PCDHGA11: variants seen among roughly 807,000 people sequenced by gnomAD.
The protein encoded by PCDHGA11 is protocadherin gamma-A11.
A neutral mutation model predicts 60.4 loss-of-function variants in PCDHGA11; 39 were observed. The ratio of observed to expected loss-of-function variants is 0.65; its 90% CI spans 0.50 to 0.84. The LOEUF (loss-of-function observed/expected upper bound fraction) is 0.84. Among genes scored for constraint, PCDHGA11 ranks in the 40% least tolerant of loss-of-function variants. The pLI is 0.00. For synonymous variants in PCDHGA11, 533 were observed against 510.3 expected, an observed-to-expected ratio of 1.04 and a Z score of -0.60; for missense variants, 1,165 against 1,197.7, an observed-to-expected ratio of 0.97 and a Z score of 0.40.
chr5:141,427,936 G>A, intron 1 of PCDHGA11: 1 of 1,584,966 alleles, frequency 6.3e-7, no homozygotes, highest in Admixed American at 1.7e-5. Context: ...ATGTTGGTGG[G>A]CGACCTCAAT....
intron 1 of PCDHGA11, among the ~76,000 whole-genome samples, chr5:141,479,789 T>C (rs888217885): frequency 3.3e-5 from 5 of 152,196 alleles, no homozygotes; most frequent in Non-Finnish European, 2.9e-5. Flanking sequence ...AAAGCATTCA[T>C]TAATTCAGGG....
chr5:141,491,508 G>T lies in PCDHGA11; in HGVS notation c.2434-3299G>T. 1 of 1,614,030 alleles carries T rather than the reference G, an allele frequency of 6.2e-7. No homozygotes were observed. Among genetic ancestry groups the T allele is most frequent in the Non-Finnish European group, 8.5e-7 (1 of 1,180,014 alleles). ...ACCTGCAGGTGAGCTCGGACGGCACGCTCAAGTACATGGAGGTGACGCTGC... is the reference window on the plus strand; with the variant it reads ...ACCTGCAGGTGAGCTCGGACGGCACTCTCAAGTACATGGAGGTGACGCTGC... On this transcript the variant is annotated intron_variant, in intron 1 of 3. Transcript: ENST00000398587. The surrounding 1 kb of genome is among the most constrained non-coding windows in gnomAD (Gnocchi z 6.9).
At position 141,431,738 on chromosome 5, in the gene PCDHGA11, TA is replaced by T; in HGVS notation, c.2433+8079del. ...AGTGCAAGCAATGGATAATGCAGGA[TA>T]TTCTGCGCGAGCCAAAGTCCTGATC... On this transcript the variant is annotated intron_variant, in intron 1 of 3. Coordinates refer to ENST00000398587, the MANE Select transcript of PCDHGA11 (RefSeq NM_018914.3). The surrounding 1 kb of genome is among the most constrained non-coding windows in gnomAD (Gnocchi z 4.8). The T allele has an allele frequency of 6.2e-7, 1 of 1,614,234 alleles. No individual in the cohort carries two copies. Among genetic ancestry groups the T allele is most frequent in the South Asian group, 1.1e-5 (1 of 91,092 alleles).
At position 141,489,078 on chromosome 5, in the gene PCDHGA11, G is replaced by A. The variant is rs990356560; in HGVS notation, c.2434-5729G>A. ...GCTCCCCTCCCCCCTGCCCACCCCC[G>A]CCACTCGGTGACTAAGAACTGCTGC... On this transcript the variant is annotated intron_variant, in intron 1 of 3. Transcript: ENST00000398587. The surrounding 1 kb of genome is among the most constrained non-coding windows in gnomAD (Gnocchi z 4.5). 6.9e-5 allele frequency: 11 copies of A among 160,224 alleles called. 1 individual carries two copies. Among genetic ancestry groups the A allele is most frequent in the Admixed American group, 3.7e-4 (4 of 10,708 alleles). The allele number at this position is 160,224 out of a possible 1,614,324, so 9.9% of individuals were successfully genotyped here.
intron 1 of PCDHGA11, among the ~76,000 whole-genome samples, chr5:141,465,219 C>A (rs1272266733): frequency 6.6e-6 from 1 of 152,004 alleles, no homozygotes; most frequent in Non-Finnish European, 1.5e-5. Context: ...TATTTTTCAA[C>A]ATGAGCTCCA....
Position 141,487,503 on chromosome 5 carries a change from C to T in PCDHGA11, c.2434-7304C>T. On this transcript the variant is annotated intron_variant, in intron 1 of 3. Transcript: ENST00000398587. The surrounding 1 kb of genome is among the most constrained non-coding windows in gnomAD (Gnocchi z 5.0). The stretch of plus-strand genomic sequence containing the variant: ...TCTCATGGCTGTACACCCTTGGCTT[C>T]TGCACCCACTCGGAGTGATAGCTTC... 1 of 1,614,220 alleles carries T rather than the reference C, an allele frequency of 6.2e-7. No homozygotes were observed. Among genetic ancestry groups the T allele is most frequent in the Non-Finnish European group, 8.5e-7 (1 of 1,180,042 alleles).
At chr5:141,509,486 A>G (rs1022659275) in intron 3 of PCDHGA11, among the ~76,000 whole-genome samples, 10 of 152,132 alleles carry the variant, frequency 6.6e-5, no homozygotes, top group African/African-American at 2.4e-4. Flanking sequence ...GGTAGAGGTG[A>G]TGGCATGCTG....
intron 1 of PCDHGA11, among the ~76,000 whole-genome samples, chr5:141,452,350 A>G (rs1355934993): frequency 6.6e-6 from 1 of 152,212 alleles, no homozygotes; most frequent in Admixed American, 6.5e-5. Context: ...CCATTTATCC[A>G]AAAGCCTTGC....
At chr5:141,444,804 A>G (rs140326088) in intron 1 of PCDHGA11, among the ~76,000 whole-genome samples, 1 of 152,250 alleles carries the variant, frequency 6.6e-6, no homozygotes, top group Non-Finnish European at 1.5e-5. Flanking sequence ...TCTTTTACTA[A>G]TAGCACACTG....
chr5:141,455,400 C>G (rs537466326), intron 1 of PCDHGA11, among the ~76,000 whole-genome samples: 8 of 152,274 alleles, frequency 5.3e-5, no homozygotes, highest in Admixed American at 5.2e-4. Context: ...CTCCCCCTTA[C>G]AGAGACAGAG....
In PCDHGA11 at chr5:141,491,961, G is replaced by A. The variant is rs891299192; in HGVS notation, c.2434-2846G>A. 3 of 970,010 alleles carry A rather than the reference G, an allele frequency of 3.1e-6. No individual in the cohort carries two copies. The highest frequency in any genetic ancestry group is 4.3e-6 in the Non-Finnish European group (3 of 693,098). 60.1% of individuals were successfully genotyped at this position (970,010 alleles called of 1,614,324 possible). On this transcript the variant is annotated intron_variant, in intron 1 of 3. Transcript: ENST00000398587. This position sits in a 1 kb window ranked among gnomAD's most constrained non-coding sequence, Gnocchi z 6.9. ...GACCCCCACCCCTACACTCAAAAAAGGCCGGGGCCTCCTTCGAGCTTCCGG... is the reference window on the plus strand; with the variant it reads ...GACCCCCACCCCTACACTCAAAAAAAGCCGGGGCCTCCTTCGAGCTTCCGG...
In PCDHGA11 at chr5:141,491,759, G is replaced by C. The variant is rs746395685; in HGVS notation, c.2434-3048G>C. 3 of 1,575,392 alleles carry C rather than the reference G, an allele frequency of 1.9e-6. No individual in the cohort carries two copies. Among genetic ancestry groups the C allele is most frequent in the Non-Finnish European group, 2.6e-6 (3 of 1,161,808 alleles). ...GGGGGCGGCACTGGAGAAGCCGCCC[G>C]TCCTCATAAGGGATTGAACTTGCAT... On this transcript the variant is annotated intron_variant, in intron 1 of 3. Coordinates refer to ENST00000398587, the MANE Select transcript of PCDHGA11 (RefSeq NM_018914.3). The surrounding 1 kb of genome is among the most constrained non-coding windows in gnomAD (Gnocchi z 6.9).
chr5:141,442,131 A>T, intron 1 of PCDHGA11: 1 of 165,118 alleles, frequency 6.1e-6, no homozygotes, highest in Non-Finnish European at 1.3e-5. Context: ...GACAGCCTGC[A>T]GGAGACTCTG....
intron 1 of PCDHGA11, among the ~76,000 whole-genome samples, chr5:141,461,366 A>G (rs1186381077): frequency 6.6e-6 from 1 of 151,964 alleles, no homozygotes; most frequent in Non-Finnish European, 1.5e-5. Flanking sequence ...TTGTGGTTTT[A>G]ATTTGCATTT....
At chr5:141,457,167 C>T (rs1465212183) in intron 1 of PCDHGA11, among the ~76,000 whole-genome samples, 1 of 152,114 alleles carries the variant, frequency 6.6e-6, no homozygotes, top group East Asian at 1.9e-4. Context: ...CATGGATAAC[C>T]CTATTGCAAA....
intron 1 of PCDHGA11, among the ~76,000 whole-genome samples, chr5:141,481,039 C>T (rs748434260): frequency 4.6e-5 from 7 of 152,048 alleles, no homozygotes; most frequent in Non-Finnish European, 8.8e-5. Flanking sequence ...GCCTGGGCGA[C>T]AGAGCGAGAC....
rs1345224043 is a variant in PCDHGA11, at chr5:141,487,695, C to G, written c.2434-7112C>G. Reference sequence around the variant, plus strand: ...TGGCTAGGCCATGTCCTAGAGAGTACTGGCCTCTCAGTAAGTGCCCATAGT... The same window carrying G: ...TGGCTAGGCCATGTCCTAGAGAGTAGTGGCCTCTCAGTAAGTGCCCATAGT... On this transcript the variant is annotated intron_variant, in intron 1 of 3. Transcript: ENST00000398587. The surrounding 1 kb of genome is among the most constrained non-coding windows in gnomAD (Gnocchi z 5.0). 1 of 1,601,306 alleles carries G rather than the reference C, an allele frequency of 6.2e-7. No individual in the cohort carries two copies.
intron 1 of PCDHGA11, chr5:141,441,364 C>T (rs533396852): frequency 6.6e-6 from 1 of 152,646 alleles, no homozygotes; most frequent in South Asian, 2.1e-4. Context: ...CAAATGGGGC[C>T]GTGGACCAGG....
chr5:141,463,388 C>T (rs1470533734), intron 1 of PCDHGA11, among the ~76,000 whole-genome samples: 1 of 150,092 alleles, frequency 6.7e-6, no homozygotes, highest in Non-Finnish European at 1.5e-5. Flanking sequence ...AAAGTTGTCT[C>T]CAGGCAAAAA....
Sources: gnomAD v4.1 joint callset for allele counts (sites outside exome capture counted in the v4.1 genomes callset) on GRCh38, gnomAD v4.1.1 for gene constraint, Gnocchi (gnomAD v3.1) non-coding constraint, MANE v1.5 for transcripts, NCBI Gene and HGNC (gene_info 2026-07-23, HGNC 2026-07-21) for gene names.